The following ADGRV1 variants were observed in gnomAD, a reference collection of about 807,000 sequenced individuals.
The protein encoded by ADGRV1 is adhesion G protein-coupled receptor V1, also known as G-protein coupled receptor 98.
A neutral mutation model predicts 596.2 loss-of-function variants in ADGRV1; 359 were observed. The observed-to-expected ratio is 0.60, with a 90% confidence interval of 0.55 to 0.66. The LOEUF is 0.66. Among genes scored for constraint, ADGRV1 ranks in the 30% least tolerant of loss-of-function variants. The probability of loss-of-function intolerance (pLI) is 0.00; values close to 1 mark genes in which losing one functional copy is unlikely to be tolerated. For missense variants in ADGRV1, 7,274 were observed against 7,575.6 expected (o/e 0.96, Z 1.48); for synonymous variants, 2,681 against 2,679.2 (o/e 1.00, Z -0.02).
At position 90,881,705 on chromosome 5, in the gene ADGRV1, A is replaced by G. The variant is rs558819342; in HGVS notation, c.17856+17848A>G. Among the ~76,000 whole-genome samples, 8 of 152,252 alleles carry G rather than the reference A, an allele frequency of 5.3e-5. No homozygotes were observed. The South Asian group carries it at 1.5e-3, about 28-fold the overall frequency. ...GAAAAATGATTAGAGATTCGAAAGA[A>G]GAGACATCAAGTATGCAATGTGGGA... is the stretch of plus-strand genomic sequence containing the variant. On this transcript the variant is annotated intron_variant, in intron 83 of 89. Coordinates refer to ENST00000405460, the MANE Select transcript of ADGRV1 (RefSeq NM_032119.4).
Position 90,635,334 on chromosome 5 carries a change from G to GTAAT in ADGRV1, c.2016+45_2016+48dup, listed in dbSNP as rs1246614957. On this transcript the variant is annotated intron_variant, in intron 10 of 89. Coordinates refer to ENST00000405460, the MANE Select transcript of ADGRV1 (RefSeq NM_032119.4). ...ACTGATGGGGGCTAATGAGTATGAA[G>GTAAT]TAATGTACAGACACTATTTTTAAAA... 2.0e-6 allele frequency: 3 copies of GTAAT among 1,481,406 alleles called. No individual in the cohort carries two copies. The South Asian group carries it at 4.0e-5, about 20-fold the overall frequency. 91.8% of individuals were successfully genotyped at this position (1,481,406 alleles called of 1,614,324 possible).
intron 83 of ADGRV1, among the ~76,000 whole-genome samples, chr5:90,939,529 T>C (rs1329607901): frequency 1.3e-5 from 2 of 152,168 alleles, no homozygotes; most frequent in African/African-American, 2.4e-5. Context: ...TGTGAAGATA[T>C]TTGTGGATTA....
rs772293155 is a variant in ADGRV1 at position 90,625,149 on chromosome 5, C to T, written c.578C>T (p.Pro193Leu). ...VTFEVEGGPN[P>L]PDEDLSPVKG... ...TTGCAGGTAGAGGGTGGCCCAAATC[C>T]CCCTGATGAAGATTTGAGTCCAGTT... The change falls in exon 6 of 90, where the codon CCC becomes CTC. Residue 193 changes from proline (P) to leucine (L), a missense_variant. By Grantham distance (98) the Pro-to-Leu change is moderately conservative. Coordinates refer to ENST00000405460, the MANE Select transcript of ADGRV1 (RefSeq NM_032119.4). The T allele has an allele frequency of 1.2e-6, 2 of 1,609,990 alleles. No individual in the cohort carries two copies. The highest frequency in any genetic ancestry group is 2.2e-5 in the East Asian group (1 of 44,794).
chr5:90,865,927 G>T (rs1768047367), intron 83 of ADGRV1, among the ~76,000 whole-genome samples: 1 of 152,022 alleles, frequency 6.6e-6, no homozygotes, highest in Admixed American at 6.6e-5. Flanking sequence ...TCTTTCATTT[G>T]GGATCCTCTG....
chr5:91,046,687 G>A (rs911734155), intron 85 of ADGRV1, among the ~76,000 whole-genome samples: 2 of 152,160 alleles, frequency 1.3e-5, no homozygotes, highest in Admixed American at 6.5e-5. Context: ...AAACTAAAGA[G>A]CTTTTGCATG....
intron 87 of ADGRV1, among the ~76,000 whole-genome samples, chr5:91,119,760 A>G (rs6873573): frequency 0.061 from 9,261 of 152,254 alleles, 895 homozygotes; most frequent in African/African-American, 0.21. Flanking sequence ...AAGTCTCTCC[A>G]TTGGCATGAC....
chr5:90,588,081 C>T (rs1759012336), intron 1 of ADGRV1, among the ~76,000 whole-genome samples: 2 of 152,048 alleles, frequency 1.3e-5, no homozygotes, highest in African/African-American at 4.8e-5. Flanking sequence ...TAGGTATAGA[C>T]AGTGAAAATA....
chr5:90,841,300 C>T (rs1485560158), intron 78 of ADGRV1, among the ~76,000 whole-genome samples: 1 of 152,028 alleles, frequency 6.6e-6, no homozygotes, highest in Non-Finnish European at 1.5e-5. Context: ...CAGAAACTGG[C>T]CAATTAACTT....
chr5:90,860,517 G>A (rs1024514622), intron 82 of ADGRV1, among the ~76,000 whole-genome samples: 2 of 151,994 alleles, frequency 1.3e-5, no homozygotes, highest in Non-Finnish European at 1.5e-5. Context: ...CTTATTAGTA[G>A]CAGTAACCAA....
chr5:90,859,093 A>G (rs1323760326), intron 82 of ADGRV1, among the ~76,000 whole-genome samples: 1 of 152,236 alleles, frequency 6.6e-6, no homozygotes, highest in Non-Finnish European at 1.5e-5. Flanking sequence ...AACATTGCCC[A>G]GCAGTCCCTG....
chr5:90,986,623 CTG>C (rs1017074475), intron 85 of ADGRV1, among the ~76,000 whole-genome samples: 3 of 151,922 alleles, frequency 2.0e-5, no homozygotes, highest in Non-Finnish European at 2.9e-5. Context: ...TTTTGTAATT[CTG>C]TCTTTTTATT....
intron 60 of ADGRV1, among the ~76,000 whole-genome samples, chr5:90,775,264 C>T (rs1758107581): frequency 6.6e-6 from 1 of 152,060 alleles, no homozygotes; most frequent in South Asian, 2.1e-4. Context: ...ACTGTGTATA[C>T]TTAGGGTAGT....
At chr5:90,869,130 T>C (rs1448962599) in intron 83 of ADGRV1, among the ~76,000 whole-genome samples, 1 of 152,144 alleles carries the variant, frequency 6.6e-6, no homozygotes, top group Non-Finnish European at 1.5e-5. Flanking sequence ...TCCTCTGTAG[T>C]ACTGCATAGG....
intron 87 of ADGRV1, among the ~76,000 whole-genome samples, chr5:91,146,369 A>C (rs1259451698): frequency 3.3e-5 from 5 of 152,244 alleles, no homozygotes; most frequent in African/African-American, 1.2e-4. Flanking sequence ...TGTCAGGAAC[A>C]GCAATACAAA....
At chr5:91,093,904 T>A (rs976560038) in intron 86 of ADGRV1, among the ~76,000 whole-genome samples, 1 of 148,928 alleles carries the variant, frequency 6.7e-6, no homozygotes, top group Admixed American at 6.8e-5. Flanking sequence ...CAGGCTGGAG[T>A]GCAGTGGTGC....
At chr5:91,133,924 A>G (rs140579560) in intron 87 of ADGRV1, among the ~76,000 whole-genome samples, 184 of 152,298 alleles carry the variant, frequency 1.2e-3, no homozygotes, top group African/African-American at 3.7e-3. Context: ...AAGTGTAGCT[A>G]TGCTTTTAAA....
intron 58 of ADGRV1, among the ~76,000 whole-genome samples, chr5:90,760,851 A>G (rs1756441752): frequency 6.6e-6 from 1 of 152,246 alleles, no homozygotes; most frequent in African/African-American, 2.4e-5. Flanking sequence ...CTAGTACTAA[A>G]TTATCACTAC....
rs1254496426 is a variant in ADGRV1 at position 90,653,360 on chromosome 5, T to C, written c.3786T>C (p.Asp1262=). ...CAGAAGATGTCCTGTCTGAAGATGA[T>C]ATGTCTTATATTACCAACTTCACCA... The part of the protein sequence containing the change: ...EVAEDVLSED[D]MSYITNFTIL... The change falls in exon 20 of 90, where the codon GAT becomes GAC. Residue 1262 remains aspartate, a synonymous_variant. Coordinates refer to ENST00000405460, the MANE Select transcript of ADGRV1 (RefSeq NM_032119.4). 1.2e-6 allele frequency: 2 copies of C among 1,613,984 alleles called. No individual in the cohort carries two copies. Among genetic ancestry groups the C allele is most frequent in the Non-Finnish European group, 1.7e-6 (2 of 1,179,872 alleles).
chr5:90,710,438 T>A (rs963096783), intron 39 of ADGRV1, among the ~76,000 whole-genome samples: 6 of 152,148 alleles, frequency 3.9e-5, no homozygotes, highest in Non-Finnish European at 8.8e-5. Flanking sequence ...AAAGGGAAGA[T>A]AAGTTTACTT....
Sources: allele counts gnomAD v4.1 joint callset (sites outside exome capture counted in the v4.1 genomes callset), GRCh38; gene constraint gnomAD v4.1.1; transcripts MANE v1.5; gene names NCBI Gene and HGNC (gene_info 2026-07-23, HGNC 2026-07-21).